The following LRRC36 variants were observed in gnomAD, a reference collection of about 807,000 sequenced individuals.
The protein encoded by LRRC36 is leucine rich repeat containing 36, also known as leucine-rich repeat-containing protein 36.
A neutral mutation model predicts 81.1 loss-of-function variants in LRRC36; 62 were observed. The ratio of observed to expected loss-of-function variants is 0.76; its 90% CI spans 0.62 to 0.94. The LOEUF is 0.94. LRRC36 is among the 40% of genes least tolerant of loss of function. LRRC36 has a pLI of 0.00. For missense variants in LRRC36, 761 were observed against 881.7 expected (o/e 0.86, Z 1.73); for synonymous variants, 334 against 348.6 (o/e 0.96, Z 0.47).
rs749154544 is a variant in LRRC36, at chr16:67,371,086, T to C, written c.1338T>C (p.Pro446=). ...CTGTCCTGGGAAACAGGACAACTCC[T>C]CTGCGGACACTGCTGTTGTCTCCTG... ...NNAVLGNRTT[P]LRTLLLSPGT... The change falls in exon 9 of 14, where the codon CCT becomes CCC. Residue 446 remains proline (P), a synonymous_variant. Coordinates refer to ENST00000329956, the MANE Select transcript of LRRC36 (RefSeq NM_018296.6). The C allele has an allele frequency of 8.1e-6, 13 of 1,614,212 alleles. No homozygotes were observed. In the South Asian group the frequency reaches 1.2e-4, roughly 15 times the overall value.
chr16:67,362,076 TTTTTTAATG>T, intron 5 of LRRC36: 3 of 347,870 alleles, frequency 8.6e-6, no homozygotes, highest in South Asian at 6.3e-5. Flanking sequence ...ATTAAAACTT[TTTTTTAATG>T]TAAAAATTAA....
At chr16:67,346,188 C>T (rs1401142014) in intron 2 of LRRC36, 68 bp from the exon 3 acceptor site, 9 of 999,590 alleles carry the variant, frequency 9.0e-6, no homozygotes, top group Non-Finnish European at 1.3e-5. Context: ...CATATATTTC[C>T]ATCTTTATCT....
At position 67,350,293 on chromosome 16, in the gene LRRC36, A is replaced by T; in HGVS notation, c.577+3A>T. ...TGTTGACAGCAGGATTGAAATGGGTAAGTTTTCTCCCTGTGATTATAAAAT... is the reference window on the plus strand; with the variant it reads ...TGTTGACAGCAGGATTGAAATGGGTTAGTTTTCTCCCTGTGATTATAAAAT... On this transcript the variant is annotated splice_donor_region_variant and intron_variant, in intron 5 of 13. Transcript: ENST00000329956. 2 of 1,607,108 alleles carry T rather than the reference A, an allele frequency of 1.2e-6. No homozygotes were observed. The highest frequency in any genetic ancestry group is 1.7e-6 in the Non-Finnish European group (2 of 1,175,030).
At chr16:67,352,657 A>G (rs2038705623) in intron 5 of LRRC36, among the ~76,000 whole-genome samples, 2 of 133,890 alleles carry the variant, frequency 1.5e-5, no homozygotes, top group South Asian at 4.9e-4. Context: ...TTATTTATTT[A>G]TTTATTTATT....
In LRRC36 at chr16:67,341,616, A is replaced by G. The variant is rs370625560; in HGVS notation, c.71-341A>G. On this transcript the variant is annotated intron_variant, in intron 1 of 13. Transcript: ENST00000329956. ...TCTGAAATTGACATCCTTGTGCTAT[A>G]TTTTATATAACCTGCCAAAATTTTG... Among the ~76,000 whole-genome samples, 62 of 151,998 alleles carry G rather than the reference A, an allele frequency of 4.1e-4. No homozygotes were observed. In the East Asian group the frequency reaches 7.0e-3, roughly 17 times the overall value.
chr16:67,341,278 T>TCTATAGTCTATAGACAGTCTATAGA (rs1217614232), intron 1 of LRRC36, among the ~76,000 whole-genome samples: 7 of 135,062 alleles, frequency 5.2e-5, no homozygotes, highest in South Asian at 2.3e-4. Context: ...CTATAGCCTA[T>TCTATAGTCTATAGACAGTCTATAGA]CTATAGTCTA....
chr16:67,362,698 G>A (rs2039210286), intron 5 of LRRC36, among the ~76,000 whole-genome samples: 1 of 152,056 alleles, frequency 6.6e-6, no homozygotes, highest in South Asian at 2.1e-4. Flanking sequence ...AATACATTGG[G>A]AGACCTAAGG....
chr16:67,342,872 A>C (rs768889797), intron 2 of LRRC36, among the ~76,000 whole-genome samples: 19 of 152,132 alleles, frequency 1.2e-4, no homozygotes, highest in Non-Finnish European at 2.5e-4. Flanking sequence ...CCAGTTTTGC[A>C]CTTCCTAGGG....
chr16:67,345,313 CAAAA>C (rs34575374), intron 2 of LRRC36, among the ~76,000 whole-genome samples: 5 of 88,158 alleles, frequency 5.7e-5, no homozygotes, highest in African/African-American at 4.1e-5. Flanking sequence ...TACCCTGTCT[CAAAA>C]AAAAAAAAAA....
intron 13 of LRRC36, among the ~76,000 whole-genome samples, chr16:67,383,543 A>G (rs555762380): frequency 2.0e-5 from 3 of 152,300 alleles, no homozygotes; most frequent in African/African-American, 7.2e-5. Context: ...GGGTGATGCT[A>G]TTGCTACTGG....
intron 4 of LRRC36, among the ~76,000 whole-genome samples, chr16:67,349,167 A>G (rs1418990962): frequency 6.6e-6 from 1 of 152,176 alleles, no homozygotes; most frequent in East Asian, 1.9e-4. Context: ...AACTGAATAA[A>G]CCTTCTAATA....
chr16:67,349,168 CCTT>C (rs2038497701), intron 4 of LRRC36, among the ~76,000 whole-genome samples: 1 of 152,050 alleles, frequency 6.6e-6, no homozygotes, highest in Non-Finnish European at 1.5e-5. Context: ...ACTGAATAAA[CCTT>C]CTAATAAACA....
rs569969609 is a variant in LRRC36 at position 67,338,273 on chromosome 16, A to T, written c.71-3684A>T. Among the ~76,000 whole-genome samples, 159 of 152,218 alleles carry T rather than the reference A, an allele frequency of 1.0e-3. 1 individual carries two copies. Among genetic ancestry groups the T allele is most frequent in the South Asian group, 6.6e-3 (32 of 4,818 alleles). ...ATGAAAAATAACTATTTCCTAAAAT[A>T]AAAAAATAGTGAGGAAAGTATCACT... On this transcript the variant is annotated intron_variant, in intron 1 of 13. Transcript: ENST00000329956.
intron 12 of LRRC36, among the ~76,000 whole-genome samples, chr16:67,380,661 A>C (rs1301817408): frequency 6.6e-6 from 1 of 152,218 alleles, no homozygotes. Flanking sequence ...TCAAGATATC[A>C]GTCTCCACTT....
rs912851338 is a variant in LRRC36 at position 67,335,161 on chromosome 16, C to T, written c.71-6796C>T. Among the ~76,000 whole-genome samples, 5 of 152,262 alleles carry T rather than the reference C, an allele frequency of 3.3e-5. 1 individual carries two copies. Reference sequence around the variant, plus strand: ...AAAATTTATTAGGTGGGAATTTCCTCGTCCTAATAAGCCTGGGAGCACTAC... The same window carrying T: ...AAAATTTATTAGGTGGGAATTTCCTTGTCCTAATAAGCCTGGGAGCACTAC... On this transcript the variant is annotated intron_variant, in intron 1 of 13. Coordinates refer to ENST00000329956, the MANE Select transcript of LRRC36 (RefSeq NM_018296.6).
chr16:67,365,811 C>T (rs901929652), intron 7 of LRRC36, among the ~76,000 whole-genome samples: 2 of 152,014 alleles, frequency 1.3e-5, no homozygotes, highest in South Asian at 4.1e-4. Flanking sequence ...TTACTCTTTC[C>T]TGACTTATAT....
At chr16:67,330,848 G>A (rs2142558229) in intron 1 of LRRC36, among the ~76,000 whole-genome samples, 1 of 152,082 alleles carries the variant, frequency 6.6e-6, no homozygotes, top group Admixed American at 6.6e-5. Context: ...CTGGACGAAA[G>A]ACTGAGACTC....
At chr16:67,329,358 T>A (rs148049923) in intron 1 of LRRC36, among the ~76,000 whole-genome samples, 5,181 of 152,254 alleles carry the variant, frequency 0.034, 138 homozygotes, top group South Asian at 0.069. Context: ...TGGCATGATC[T>A]CAGCTCACTG....
intron 5 of LRRC36, 33 bp from the exon 6 acceptor site, chr16:67,363,557 G>A: frequency 1.2e-6 from 2 of 1,610,954 alleles, no homozygotes; most frequent in Non-Finnish European, 1.7e-6. Context: ...TGGTCAGTGA[G>A]TGCTTTATTG....
Sources: gnomAD v4.1 joint callset for allele counts (sites outside exome capture counted in the v4.1 genomes callset) on GRCh38, gnomAD v4.1.1 for gene constraint, MANE v1.5 for transcripts, NCBI Gene and HGNC (gene_info 2026-07-23, HGNC 2026-07-21) for gene names.